The following FAT3 variants were observed in gnomAD, a reference collection of about 807,000 sequenced individuals.
FAT3 encodes protocadherin Fat 3.
Under a neutral mutation model 310.2 loss-of-function variants are expected in FAT3, and 95 were observed. That is an observed-to-expected ratio of 0.31 (90% CI 0.26 to 0.36). FAT3 has a LOEUF of 0.36. Among genes scored for constraint, FAT3 ranks in the 10% least tolerant of loss-of-function variants. The probability of loss-of-function intolerance (pLI) is 1.00; values close to 1 mark genes in which losing one functional copy is unlikely to be tolerated. For synonymous variants in FAT3, 2,314 were observed against 2,192.9 expected (o/e 1.06, Z -1.54); for missense variants, 5,408 against 5,715.6 (o/e 0.95, Z 1.74).
At chr11:92,854,230 G>A (rs1948911086) in intron 19 of FAT3, among the ~76,000 whole-genome samples, 2 of 152,212 alleles carry the variant, frequency 1.3e-5, no homozygotes, top group Admixed American at 1.3e-4. Flanking sequence ...CTTCAAAATT[G>A]GAGTGGGTGC....
chr11:92,685,473 A>G (rs2135871453), intron 3 of FAT3, among the ~76,000 whole-genome samples: 1 of 152,212 alleles, frequency 6.6e-6, no homozygotes, highest in South Asian at 2.1e-4. Context: ...TAAATGCTAA[A>G]TGAATATTCC....
intron 4 of FAT3, among the ~76,000 whole-genome samples, chr11:92,744,824 T>C (rs986805421): frequency 5.3e-5 from 8 of 152,364 alleles, no homozygotes; most frequent in African/African-American, 1.9e-4. Context: ...TCATGATCTC[T>C]ACCTTAGTCT....
At chr11:92,832,592 G>C (rs1057002023) in intron 14 of FAT3, among the ~76,000 whole-genome samples, 1 of 152,142 alleles carries the variant, frequency 6.6e-6, no homozygotes. Context: ...AGGATTTCTA[G>C]GTGGGAGGGC....
Position 92,504,802 on chromosome 11 carries a change from G to A in FAT3, c.3293-19832G>A, listed in dbSNP as rs142792359. 1.7e-3 allele frequency among the ~76,000 whole-genome samples: 258 copies of A among 152,136 alleles called. 1 individual carries two copies. The highest frequency in any genetic ancestry group is 5.9e-3 in the African/African-American group (246 of 41,502). ...ATCAGGTACTGGGAGGACAGAAGAC[G>A]AATAAGACATTGCTCTCCTGTAAAA... On this transcript the variant is annotated intron_variant, in intron 2 of 27. Transcript: ENST00000525166.
At chr11:92,746,447 C>T (rs1945674227) in intron 4 of FAT3, among the ~76,000 whole-genome samples, 1 of 152,206 alleles carries the variant, frequency 6.6e-6, no homozygotes. Flanking sequence ...CACCTGGTCC[C>T]ACCGTTGATA....
rs1947264467 is a variant in FAT3, at chr11:92,799,305, GA to G, written c.6294del (p.Glu2098AspfsTer5). 6.2e-7 allele frequency: 1 copy of G among 1,613,820 alleles called. No homozygotes were observed. The highest frequency in any genetic ancestry group is 1.1e-5 in the South Asian group (1 of 91,078). On this transcript the variant is annotated frameshift_variant, in exon 10 of 28. Coordinates refer to ENST00000525166, the MANE Select transcript of FAT3 (RefSeq NM_001367949.2). LOFTEE classifies it high-confidence loss of function. ...CTATGCTGCTGTTCAAGTGGATGCG[GA>G]ACCCGGGACTCTGATTTATCAGGTG... Reference protein sequence around the residue: ...PYYAAVQVDAEPGTLIYQVTA... With the variant: ...PYYAAVQVDAXPGTLIYQVTA...
chr11:92,255,252 A>G (rs1050391292), intron 1 of FAT3, among the ~76,000 whole-genome samples: 1 of 151,828 alleles, frequency 6.6e-6, no homozygotes, highest in African/African-American at 2.4e-5. Context: ...AGTGATCCTA[A>G]CTTTATTTAA....
intron 3 of FAT3, among the ~76,000 whole-genome samples, chr11:92,538,235 A>T (rs927338754): frequency 5.3e-5 from 8 of 152,128 alleles, no homozygotes. Flanking sequence ...AACCTGTTGA[A>T]CAAGATCTGC....
intron 19 of FAT3, among the ~76,000 whole-genome samples, chr11:92,849,505 G>A (rs1948766080): frequency 6.6e-6 from 1 of 152,080 alleles, no homozygotes; most frequent in Admixed American, 6.6e-5. Flanking sequence ...GCTGCCCTCT[G>A]GATAACTAAG....
chr11:92,784,882 G>C (rs1056143025), intron 7 of FAT3, among the ~76,000 whole-genome samples: 3 of 151,926 alleles, frequency 2.0e-5, no homozygotes, highest in African/African-American at 7.3e-5. Context: ...GGCCGGAAAG[G>C]CTTTTTCCTC....
intron 2 of FAT3, among the ~76,000 whole-genome samples, chr11:92,403,625 G>T (rs1950072246): frequency 6.6e-6 from 1 of 152,188 alleles, no homozygotes; most frequent in Admixed American, 6.6e-5. Flanking sequence ...ATTTCCAGGG[G>T]TGTTCTAGGC....
At chr11:92,553,471 G>A (rs983841147) in intron 3 of FAT3, among the ~76,000 whole-genome samples, 2 of 152,188 alleles carry the variant, frequency 1.3e-5, no homozygotes, top group Non-Finnish European at 2.9e-5. Context: ...TGGCTAGTGT[G>A]TTCTGACATT....
rs536481526 is a variant in FAT3, at chr11:92,801,200, C to T, written c.8187C>T (p.Thr2729=). Residue 2729 remains threonine, a synonymous_variant, in exon 10 of 28, where the codon ACC becomes ACT. Transcript: ENST00000525166. ...EDTAIGSTVD[T]LRILPSQNVW... is the part of the protein sequence containing the mutation. Reference sequence around the variant, plus strand: ...CAGCCATTGGGAGTACAGTGGACACCCTGAGGATTTTGCCCAGTCAGAATG... The same window carrying T: ...CAGCCATTGGGAGTACAGTGGACACTCTGAGGATTTTGCCCAGTCAGAATG... The T allele has an allele frequency of 1.9e-6, 3 of 1,613,714 alleles. No homozygotes were observed. Among genetic ancestry groups the T allele is most frequent in the Non-Finnish European group, 2.5e-6 (3 of 1,179,814 alleles).
At chr11:92,424,042 G>C (rs1447065280) in intron 2 of FAT3, among the ~76,000 whole-genome samples, 1 of 152,054 alleles carries the variant, frequency 6.6e-6, no homozygotes, top group Admixed American at 6.6e-5. Context: ...ACAAATGGAG[G>C]GTGGACACCT....
At chr11:92,533,317 T>G (rs545795634) in intron 3 of FAT3, among the ~76,000 whole-genome samples, 1 of 152,210 alleles carries the variant, frequency 6.6e-6, no homozygotes, top group South Asian at 2.1e-4. Flanking sequence ...CCACTACACA[T>G]AGCCCCTGAG....
chr11:92,781,404 G>A (rs1946750648), intron 7 of FAT3, among the ~76,000 whole-genome samples: 1 of 151,832 alleles, frequency 6.6e-6, no homozygotes, highest in Admixed American at 6.6e-5. Context: ...ATAACTCTGG[G>A]ATACTTAAAT....
chr11:92,389,836 C>T lies in FAT3; in HGVS notation c.3292+34432C>T, dbSNP rs140665610. Among the ~76,000 whole-genome samples, 629 of 152,156 alleles carry T rather than the reference C, an allele frequency of 4.1e-3. 3 individuals carry two copies. The highest frequency in any genetic ancestry group is 0.015 in the African/African-American group (611 of 41,470). On this transcript the variant is annotated intron_variant, in intron 2 of 27. Transcript: ENST00000525166. ...CTTAAATACTATGGAATTAGAGCAA[C>T]GTAACACACTGAGATGTTAAACTTG...
intron 2 of FAT3, among the ~76,000 whole-genome samples, chr11:92,480,818 T>C (rs1952203611): frequency 6.6e-6 from 1 of 152,186 alleles, no homozygotes; most frequent in Non-Finnish European, 1.5e-5. Flanking sequence ...TGACCAGAAA[T>C]GTCTAAATGA....
rs1187243187 is a variant in FAT3, at chr11:92,356,740, G to A, written c.3292+1336G>A. On this transcript the variant is annotated intron_variant, in intron 2 of 27. Transcript: ENST00000525166. ...GGCTTCAGAGTATGAATTTGTAGGG[G>A]ACACATACATTCAGTTCATAACAGT... 2.6e-5 allele frequency among the ~76,000 whole-genome samples: 4 copies of A among 152,182 alleles called. No homozygotes were observed. The Middle Eastern group carries it at 0.01, about 388-fold the overall frequency.
Sources: allele counts gnomAD v4.1 joint callset (sites outside exome capture counted in the v4.1 genomes callset), GRCh38; gene constraint gnomAD v4.1.1; transcripts MANE v1.5; gene names NCBI Gene and HGNC (gene_info 2026-07-23, HGNC 2026-07-21).